The following REDIC1 variants were observed in gnomAD, a reference collection of about 807,000 sequenced individuals.
REDIC1 encodes regulator of DNA class I crossover intermediates 1, also known as HEI10 Interacting Protein 1.
At chr12:39,720,507 A>C in the REDIC1 span, among the ~76,000 whole-genome samples, 4 of 152,082 alleles carry the variant, frequency 2.6e-5, no homozygotes, top group Non-Finnish European at 5.9e-5. Context: ...CTAATAAAAG[A>C]CAAAATTTCT....
the REDIC1 span, among the ~76,000 whole-genome samples, chr12:39,871,615 G>C: frequency 2.6e-5 from 4 of 151,912 alleles, no homozygotes; most frequent in South Asian, 2.1e-4. Context: ...TTCTAGTCAC[G>C]TAGCGTAACA....
the REDIC1 span, among the ~76,000 whole-genome samples, chr12:39,728,222 G>C: frequency 6.6e-5 from 10 of 152,128 alleles, no homozygotes; most frequent in Non-Finnish European, 8.8e-5. Flanking sequence ...TCTTGTGCTG[G>C]TTTTTAAAGG....
At chr12:39,627,856 A>T in the REDIC1 span, among the ~76,000 whole-genome samples, 1 of 152,202 alleles carries the variant, frequency 6.6e-6, no homozygotes, top group African/African-American at 2.4e-5. Flanking sequence ...GAACAAAGAA[A>T]AGGGTGGGGA....
chr12:39,719,110 G>T, the REDIC1 span, among the ~76,000 whole-genome samples: 2 of 151,978 alleles, frequency 1.3e-5, no homozygotes, highest in African/African-American at 4.8e-5. Context: ...TTTAGCTTTT[G>T]CTTGTGTATA....
chr12:39,902,570 C>G, the REDIC1 span, among the ~76,000 whole-genome samples: 1 of 151,854 alleles, frequency 6.6e-6, no homozygotes, highest in Admixed American at 6.6e-5. Flanking sequence ...AATAAAATCA[C>G]AAATGAGAAG....
chr12:39,832,397 C>T, the REDIC1 span, among the ~76,000 whole-genome samples: 2,811 of 152,082 alleles, frequency 0.018, 89 homozygotes, highest in African/African-American at 0.062. Context: ...TTTATTTCTC[C>T]GAAAATATGT....
the REDIC1 span, among the ~76,000 whole-genome samples, chr12:39,636,933 T>TA: frequency 6.6e-6 from 1 of 151,962 alleles, no homozygotes; most frequent in African/African-American, 2.4e-5. Flanking sequence ...TTAATTTTTT[T>TA]AAAAAAGAAA....
At chr12:39,634,104 C>T in the REDIC1 span, among the ~76,000 whole-genome samples, 6 of 152,062 alleles carry the variant, frequency 3.9e-5, no homozygotes, top group Non-Finnish European at 7.4e-5. Flanking sequence ...TCTTTTATTT[C>T]GTTGAGCAGT....
chr12:39,750,354 C>G, the REDIC1 span, among the ~76,000 whole-genome samples: 2 of 152,144 alleles, frequency 1.3e-5, no homozygotes, highest in Admixed American at 1.3e-4. Context: ...ATCCAACTTA[C>G]AAGGGATGTG....
the REDIC1 span, among the ~76,000 whole-genome samples, chr12:39,737,086 G>A: frequency 6.6e-6 from 1 of 152,130 alleles, no homozygotes; most frequent in Non-Finnish European, 1.5e-5. Flanking sequence ...GAACTGTTCT[G>A]CACTACTTTT....
At chr12:39,849,718 G>A in the REDIC1 span, among the ~76,000 whole-genome samples, 1 of 152,040 alleles carries the variant, frequency 6.6e-6, no homozygotes, top group Non-Finnish European at 1.5e-5. Context: ...GTTTATTTGA[G>A]TTTCATTTAT....
At chr12:39,713,241 T>TGG in the REDIC1 span, among the ~76,000 whole-genome samples, 162 of 136,312 alleles carry the variant, frequency 1.2e-3, 9 homozygotes, top group African/African-American at 4.3e-3. Flanking sequence ...CGTGTATATA[T>TGG]GTGTACACAC....
At chr12:39,650,222 CA>C in the REDIC1 span, 3 of 1,540,654 alleles carry the variant, frequency 1.9e-6, no homozygotes, top group South Asian at 3.9e-5. The surrounding 1 kb of genome is among the most constrained non-coding windows in gnomAD (Gnocchi z 4.3). Flanking sequence ...GCAGTTTCTT[CA>C]AATTTTTTTT....
the REDIC1 span, among the ~76,000 whole-genome samples, chr12:39,891,138 T>G: frequency 6.7e-6 from 1 of 149,464 alleles, no homozygotes; most frequent in Non-Finnish European, 1.5e-5. Context: ...TTTTAACATT[T>G]AATTTTGAGG....
chr12:39,772,923 G>T, the REDIC1 span, among the ~76,000 whole-genome samples: 1 of 152,148 alleles, frequency 6.6e-6, no homozygotes, highest in Admixed American at 6.5e-5. Context: ...TAACTTGGCA[G>T]AGTTACATAC....
the REDIC1 span, chr12:39,626,214 G>A: frequency 2.0e-6 from 2 of 1,017,726 alleles, no homozygotes; most frequent in Non-Finnish European, 1.5e-6. Flanking sequence ...ACCAGAAGGA[G>A]CTTACTCGGG....
chr12:39,860,338 C>G, the REDIC1 span, among the ~76,000 whole-genome samples: 2 of 152,312 alleles, frequency 1.3e-5, no homozygotes, highest in Middle Eastern at 3.4e-3. Flanking sequence ...TGGAGAGATA[C>G]TGCCCAATTG....
chr12:39,900,175 T>G, the REDIC1 span, among the ~76,000 whole-genome samples: 1 of 152,140 alleles, frequency 6.6e-6, no homozygotes, highest in South Asian at 2.1e-4. Flanking sequence ...AAATTAGGTA[T>G]TGATGGGACG....
the REDIC1 span, among the ~76,000 whole-genome samples, chr12:39,677,558 A>G: frequency 6.6e-6 from 1 of 152,130 alleles, no homozygotes; most frequent in Admixed American, 6.5e-5. Flanking sequence ...ACAAAGAAAC[A>G]ATAGGCTTAA....
Sources: allele counts gnomAD v4.1 joint callset (sites outside exome capture counted in the v4.1 genomes callset), GRCh38; gene constraint gnomAD v4.1.1; non-coding constraint Gnocchi (gnomAD v3.1); transcripts MANE v1.5; gene names NCBI Gene and HGNC (gene_info 2026-07-23, HGNC 2026-07-21).